The following VPS50 variants were observed in gnomAD, a reference collection of about 807,000 sequenced individuals.
VPS50 encodes the protein VPS50 subunit of EARP/GARPII complex.
In VPS50, 70 loss-of-function variants were observed where a neutral mutation model predicts 139.7. The ratio of observed to expected loss-of-function variants is 0.50; its 90% CI spans 0.41 to 0.61. The LOEUF (loss-of-function observed/expected upper bound fraction) is 0.61, where lower values mean the gene tolerates loss of function less well. Ranked by LOEUF, VPS50 falls within the 20% of genes least tolerant of loss-of-function variation. VPS50 has a pLI of 0.00. For synonymous variants in VPS50, 365 were observed against 376.7 expected, an observed-to-expected ratio of 0.97 and a Z score of 0.36; for missense variants, 921 against 1,133.7, an observed-to-expected ratio of 0.81 and a Z score of 2.69.
At chr7:93,237,279 A>G (rs990036616) in intron 1 of VPS50, among the ~76,000 whole-genome samples, 29 of 152,112 alleles carry the variant, frequency 1.9e-4, no homozygotes, top group African/African-American at 6.8e-4. Flanking sequence ...ATAATAGCCT[A>G]TGAATGATCA....
rs1165225202 is a variant in VPS50 at position 93,361,061 on chromosome 7, G to C, written c.*2625G>C. Reference sequence around the variant, plus strand: ...CTTAACTCACCAAAAAGTAGTAAAAGGCTTGTAATTCAATTCACCTTGTAA... The same window carrying C: ...CTTAACTCACCAAAAAGTAGTAAAACGCTTGTAATTCAATTCACCTTGTAA... On this transcript the variant is annotated 3_prime_UTR_variant, in exon 28 of 28. Coordinates refer to ENST00000305866, the MANE Select transcript of VPS50 (RefSeq NM_017667.4). The C allele has an allele frequency of 6.6e-6, 1 of 151,704 alleles. No individual in the cohort carries two copies. Among genetic ancestry groups the C allele is most frequent in the African/African-American group, 2.4e-5 (1 of 41,346 alleles). 9.4% of individuals were successfully genotyped at this position (151,704 alleles called of 1,614,324 possible). A position where few individuals can be genotyped will look rare whatever the true frequency, so the allele number is the denominator to read the frequency against.
chr7:93,340,497 T>C (rs1332483658), intron 22 of VPS50: 1 of 152,186 alleles, frequency 6.6e-6, no homozygotes, highest in African/African-American at 2.4e-5. Context: ...AACTGTTTGC[T>C]AAGAGCTTAG....
At chr7:93,235,729 G>A (rs1417759351) in intron 1 of VPS50, among the ~76,000 whole-genome samples, 1 of 152,138 alleles carries the variant, frequency 6.6e-6, no homozygotes, top group Non-Finnish European at 1.5e-5. Flanking sequence ...TTGAGGGAAG[G>A]GACATGGTTT....
intron 12 of VPS50, among the ~76,000 whole-genome samples, chr7:93,290,036 T>C (rs77505768): frequency 0.022 from 3,354 of 152,082 alleles, 61 homozygotes; most frequent in Middle Eastern, 0.048. Context: ...AAATTCTCTC[T>C]TGTTATTATA....
At chr7:93,255,251 C>A (rs1287689777) in intron 4 of VPS50, among the ~76,000 whole-genome samples, 1 of 152,136 alleles carries the variant, frequency 6.6e-6, no homozygotes, top group Non-Finnish European at 1.5e-5. Flanking sequence ...TGCAGTTAGA[C>A]GGTCCCATCT....
chr7:93,323,760 T>G, intron 21 of VPS50, 28 bp downstream of exon 21: 1 of 1,279,092 alleles, frequency 7.8e-7, no homozygotes, highest in Non-Finnish European at 1.1e-6. Flanking sequence ...GGGAAAAAAA[T>G]CTTTCTTTTA....
intron 11 of VPS50, among the ~76,000 whole-genome samples, chr7:93,275,352 A>G (rs1796122374): frequency 6.6e-6 from 1 of 152,166 alleles, no homozygotes; most frequent in African/African-American, 2.4e-5. Flanking sequence ...TTGTGAAAAG[A>G]AGAGTCAACT....
intron 12 of VPS50, among the ~76,000 whole-genome samples, chr7:93,285,664 T>C (rs1176214376): frequency 1.3e-5 from 2 of 152,236 alleles, no homozygotes; most frequent in African/African-American, 4.8e-5. Flanking sequence ...TTCATCATTT[T>C]TATTTTAACC....
At position 93,281,782 on chromosome 7, in the gene VPS50, A is replaced by G. The variant is rs1005418679; in HGVS notation, c.942+5477A>G. 1.2e-4 allele frequency among the ~76,000 whole-genome samples: 18 copies of G among 152,358 alleles called. No individual in the cohort carries two copies. The South Asian group carries it at 3.7e-3, about 32-fold the overall frequency. On this transcript the variant is annotated intron_variant, in intron 12 of 27. Transcript: ENST00000305866. ...TAATTGTAGGAAAAGACACAAGCAA[A>G]AAGAAGAAAGTAAAAATTGCATATG... is the stretch of plus-strand genomic sequence containing the variant.
chr7:93,313,682 G>T (rs1189105568), intron 20 of VPS50, among the ~76,000 whole-genome samples: 1 of 152,130 alleles, frequency 6.6e-6, no homozygotes, highest in Non-Finnish European at 1.5e-5. Flanking sequence ...TTTGTATGAG[G>T]ATTACTGATC....
intron 12 of VPS50, among the ~76,000 whole-genome samples, chr7:93,284,331 A>G (rs1244518206): frequency 1.3e-5 from 2 of 152,128 alleles, no homozygotes; most frequent in Non-Finnish European, 2.9e-5. Flanking sequence ...ATAGCATCTT[A>G]TAACTTGAAA....
At chr7:93,262,302 T>C (rs145338796) in intron 9 of VPS50, among the ~76,000 whole-genome samples, 7 of 152,330 alleles carry the variant, frequency 4.6e-5, no homozygotes, top group African/African-American at 1.7e-4. Context: ...GTGTTAACTG[T>C]AAAAAATGTC....
chr7:93,319,118 T>C (rs1044914138), intron 20 of VPS50, among the ~76,000 whole-genome samples: 4 of 152,164 alleles, frequency 2.6e-5, no homozygotes, highest in African/African-American at 9.7e-5. Context: ...AAAGAACATA[T>C]CTTTCTCATT....
Position 93,276,147 on chromosome 7 carries a change from G to GT in VPS50, c.802-11dup, listed in dbSNP as rs1280081004. 6.5e-7 allele frequency: 1 copy of GT among 1,539,404 alleles called. No homozygotes were observed. ...TTAATAATGTGAAATTATGTTGTGC[G>GT]TTTTTTTCTTTCCACAGACAGCAAT... On this transcript the variant is annotated splice_polypyrimidine_tract_variant and intron_variant, in intron 11 of 27. Coordinates refer to ENST00000305866, the MANE Select transcript of VPS50 (RefSeq NM_017667.4).
Position 93,296,725 on chromosome 7 carries a change from T to C in VPS50, c.1168-17T>C, listed in dbSNP as rs1356314898. 6.3e-7 allele frequency: 1 copy of C among 1,599,176 alleles called. No homozygotes were observed. The highest frequency in any genetic ancestry group is 8.5e-7 in the Non-Finnish European group (1 of 1,177,322). ...ATATTTTGGGTTTGCTTGATTTTCT[T>C]TTTCTTTGCCTTACAGGATGTTCAG... On this transcript the variant is annotated splice_polypyrimidine_tract_variant and intron_variant, in intron 14 of 27. Transcript: ENST00000305866.
At chr7:93,235,955 G>A (rs1794787140) in intron 1 of VPS50, among the ~76,000 whole-genome samples, 1 of 152,190 alleles carries the variant, frequency 6.6e-6, no homozygotes, top group African/African-American at 2.4e-5. Flanking sequence ...AGAATCCAGT[G>A]TTAAAAACTC....
chr7:93,305,790 G>A, intron 17 of VPS50, 38 bp from the exon 18 acceptor site: 2 of 1,528,220 alleles, frequency 1.3e-6, no homozygotes, highest in Middle Eastern at 3.4e-4. Context: ...GAATTTTATT[G>A]TTGCTAAAGG....
chr7:93,306,263 AAGT>A (rs1299096877), intron 18 of VPS50, among the ~76,000 whole-genome samples: 1 of 151,854 alleles, frequency 6.6e-6, no homozygotes, highest in African/African-American at 2.4e-5. Flanking sequence ...GTTGCTAATC[AAGT>A]AGTAGTGTAA....
intron 2 of VPS50, among the ~76,000 whole-genome samples, chr7:93,240,574 G>C (rs989400334): frequency 3.3e-5 from 5 of 152,122 alleles, no homozygotes; most frequent in African/African-American, 1.2e-4. Flanking sequence ...AATCCCTGCT[G>C]TTTTTCTGGA....
Sources: allele counts gnomAD v4.1 joint callset (sites outside exome capture counted in the v4.1 genomes callset), GRCh38; gene constraint gnomAD v4.1.1; transcripts MANE v1.5; gene names NCBI Gene and HGNC (gene_info 2026-07-23, HGNC 2026-07-21).